PDE8B: variants seen among roughly 807,000 people sequenced by gnomAD.
PDE8B encodes high affinity cAMP-specific and IBMX-insensitive 3',5'-cyclic phosphodiesterase 8B.
Under a neutral mutation model 101.3 loss-of-function variants are expected in PDE8B, and 26 were observed. The ratio of observed to expected loss-of-function variants is 0.26; its 90% CI spans 0.19 to 0.36. The LOEUF (loss-of-function observed/expected upper bound fraction) is 0.36. PDE8B is among the 10% of genes least tolerant of loss of function. The probability of loss-of-function intolerance (pLI) is 1.00; values close to 1 mark genes in which losing one functional copy is unlikely to be tolerated. For synonymous variants in PDE8B, 424 were observed against 429.3 expected (o/e 0.99, Z 0.15); for missense variants, 810 against 1,163.1 (o/e 0.70, Z 4.42).
intron 5 of PDE8B, among the ~76,000 whole-genome samples, chr5:77,332,149 G>A (rs1246151360): frequency 6.6e-6 from 1 of 151,744 alleles, no homozygotes; most frequent in Non-Finnish European, 1.5e-5. Context: ...AAGAAAGGGA[G>A]GAGGAAAAAG....
intron 10 of PDE8B, among the ~76,000 whole-genome samples, chr5:77,357,059 C>T (rs1235212613): frequency 6.6e-6 from 1 of 152,154 alleles, no homozygotes; most frequent in Admixed American, 6.5e-5. Context: ...TTAAGCAAAC[C>T]TATAGAGAAT....
intron 10 of PDE8B, 26 bp from the exon 11 acceptor site, chr5:77,400,217 CTTGTT>C (rs753705713): frequency 2.0e-6 from 3 of 1,509,204 alleles, no homozygotes; most frequent in Non-Finnish European, 2.8e-6. Flanking sequence ...AAATCTTTCT[CTTGTT>C]TTATCAAACT....
chr5:77,280,392 A>G (rs1017824923), intron 1 of PDE8B, among the ~76,000 whole-genome samples: 3 of 152,194 alleles, frequency 2.0e-5, no homozygotes, highest in Admixed American at 6.5e-5. Context: ...CCAATTTACT[A>G]TGGACCAAGA....
At chr5:77,311,457 G>A (rs1433091876) in intron 1 of PDE8B, among the ~76,000 whole-genome samples, 1 of 152,186 alleles carries the variant, frequency 6.6e-6, no homozygotes, top group East Asian at 1.9e-4. Context: ...CATGGTAAAT[G>A]TGAGTAAGAC....
chr5:77,233,583 T>C lies in PDE8B; in HGVS notation c.339+22319T>C, dbSNP rs150006735. On this transcript the variant is annotated intron_variant, in intron 1 of 21. Transcript: ENST00000264917. ...GAAGACTTGATTCTATATTTAGTAG[T>C]TTATCTGCCTCCATAAGGATTTAGC... Among the ~76,000 whole-genome samples the C allele has an allele frequency of 2.0e-4, 31 of 152,126 alleles. No homozygotes were observed. The East Asian group carries it at 5.0e-3, about 25-fold the overall frequency.
chr5:77,391,952 A>G (rs189965793), intron 10 of PDE8B, among the ~76,000 whole-genome samples: 1 of 152,350 alleles, frequency 6.6e-6, no homozygotes. Context: ...GGTATCATAT[A>G]AAAAATTCAC....
chr5:77,335,161 A>G (rs1383350903), intron 5 of PDE8B, among the ~76,000 whole-genome samples: 6 of 152,180 alleles, frequency 3.9e-5, no homozygotes, highest in Non-Finnish European at 2.9e-5. Context: ...ATGACTGTGT[A>G]TTATTTACAA....
At chr5:77,265,929 GT>G (rs1761612130) in intron 1 of PDE8B, among the ~76,000 whole-genome samples, 1 of 152,180 alleles carries the variant, frequency 6.6e-6, no homozygotes, top group African/African-American at 2.4e-5. Flanking sequence ...TAGTGAGCAG[GT>G]GAGAGTACTT....
At chr5:77,401,803 T>C (rs1437379602) in intron 11 of PDE8B, among the ~76,000 whole-genome samples, 2 of 152,222 alleles carry the variant, frequency 1.3e-5, no homozygotes, top group Admixed American at 6.5e-5. Context: ...AATTCTTTAA[T>C]TATGTGGCCT....
chr5:77,405,532 T>G (rs1793247108), intron 12 of PDE8B, among the ~76,000 whole-genome samples: 1 of 152,046 alleles, frequency 6.6e-6, no homozygotes, highest in South Asian at 2.1e-4. Context: ...GTCCTAGTGG[T>G]GACAGGTGAA....
chr5:77,255,860 T>G (rs1282670121), intron 1 of PDE8B, among the ~76,000 whole-genome samples: 1 of 152,174 alleles, frequency 6.6e-6, no homozygotes, highest in Non-Finnish European at 1.5e-5. Flanking sequence ...TTTCGATTCC[T>G]TGGAAGCTGC....
intron 1 of PDE8B, among the ~76,000 whole-genome samples, chr5:77,310,976 G>C (rs987563285): frequency 6.6e-6 from 1 of 152,154 alleles, no homozygotes; most frequent in Non-Finnish European, 1.5e-5. Flanking sequence ...TGCTTTTCTT[G>C]TTTGTTTTTT....
At chr5:77,299,242 T>TTTTGTTTG (rs57889879) in intron 1 of PDE8B, among the ~76,000 whole-genome samples, 91 of 150,800 alleles carry the variant, frequency 6.0e-4, no homozygotes, top group Non-Finnish European at 8.7e-4. Flanking sequence ...AGAGTTGTTT[T>TTTTGTTTG]TTTGTTTGTT....
At chr5:77,118,535 A>G in the PDE8B span, 3 of 396,068 alleles carry the variant, frequency 7.6e-6, no homozygotes, top group Non-Finnish European at 1.3e-5. Flanking sequence ...TGAAGGAGTA[A>G]TTTTTCTTTC....
intron 15 of PDE8B, 64 bp downstream of exon 15, chr5:77,411,785 G>A: frequency 7.9e-7 from 1 of 1,258,720 alleles, no homozygotes; most frequent in South Asian, 1.2e-5. Flanking sequence ...CCCCGCTGTT[G>A]CGATTATTGT....
chr5:77,305,728 A>G (rs1771050455), intron 1 of PDE8B, among the ~76,000 whole-genome samples: 1 of 152,210 alleles, frequency 6.6e-6, no homozygotes, highest in African/African-American at 2.4e-5. Flanking sequence ...CTGAGAATGG[A>G]GGGTGGACAG....
chr5:77,215,201 C>T (rs985981983), intron 1 of PDE8B, among the ~76,000 whole-genome samples: 1 of 152,166 alleles, frequency 6.6e-6, no homozygotes, highest in Non-Finnish European at 1.5e-5. Flanking sequence ...TGGGTTTGTA[C>T]AGGTCCTAAT....
the PDE8B span, among the ~76,000 whole-genome samples, chr5:77,183,117 A>G: frequency 7.7e-6 from 1 of 130,348 alleles, no homozygotes; most frequent in Admixed American, 7.3e-5. Flanking sequence ...TATTATTATT[A>G]TTATTATTAT....
chr5:77,251,755 T>G (rs553830261), intron 1 of PDE8B, among the ~76,000 whole-genome samples: 21 of 152,248 alleles, frequency 1.4e-4, no homozygotes, highest in Non-Finnish European at 2.5e-4. Flanking sequence ...TTTTGTGGTT[T>G]AATTCTCTGT....
Sources: gnomAD v4.1 joint callset for allele counts (sites outside exome capture counted in the v4.1 genomes callset) on GRCh38, gnomAD v4.1.1 for gene constraint, MANE v1.5 for transcripts, NCBI Gene and HGNC (gene_info 2026-07-23, HGNC 2026-07-21) for gene names.